Variants in LRRTM4 observed in about 807,000 individuals in gnomAD.
The protein encoded by LRRTM4 is leucine rich repeat transmembrane neuronal 4, also known as leucine-rich repeat transmembrane neuronal protein 4.
A neutral mutation model predicts 47.6 loss-of-function variants in LRRTM4; 25 were observed. The ratio of observed to expected loss-of-function variants is 0.53; its 90% CI spans 0.38 to 0.73. The LOEUF (loss-of-function observed/expected upper bound fraction) is 0.73. Among genes scored for constraint, LRRTM4 ranks in the 30% least tolerant of loss-of-function variants. The probability of loss-of-function intolerance (pLI) is 0.00; values close to 1 mark genes in which losing one functional copy is unlikely to be tolerated. For synonymous variants in LRRTM4, 311 were observed against 269.5 expected, an observed-to-expected ratio of 1.15 and a Z score of -1.51; for missense variants, 638 against 713.4, an observed-to-expected ratio of 0.89 and a Z score of 1.20.
chr2:77,139,084 A>G lies in LRRTM4; in HGVS notation c.1551+379234T>C, dbSNP rs1672037826. Among the ~76,000 whole-genome samples the G allele has an allele frequency of 2.0e-5, 3 of 152,308 alleles. No homozygotes were observed. The South Asian group carries it at 6.2e-4, about 32-fold the overall frequency. ...TACCATTTCTTCTGAAACTATTCCA[A>G]TCAATAGAAAAAGAAGGAATCCTCC... On this transcript the variant is annotated intron_variant, in intron 3 of 3. Transcript: ENST00000409884.
chr2:77,276,925 A>C (rs1474400499), intron 3 of LRRTM4, among the ~76,000 whole-genome samples: 6 of 151,480 alleles, frequency 4.0e-5, no homozygotes, highest in African/African-American at 9.7e-5. Context: ...CGAGGCCAGG[A>C]AAAGAGGGCA....
chr2:76,836,328 T>G (rs1347292847), intron 3 of LRRTM4, among the ~76,000 whole-genome samples: 1 of 152,064 alleles, frequency 6.6e-6, no homozygotes, highest in Non-Finnish European at 1.5e-5. Flanking sequence ...TTTTTAAGCT[T>G]GAGACAAGTT....
chr2:76,992,102 T>C (rs1212050696), intron 3 of LRRTM4, among the ~76,000 whole-genome samples: 1 of 151,634 alleles, frequency 6.6e-6, no homozygotes, highest in African/African-American at 2.4e-5. Context: ...ACGATAAAAA[T>C]TCTCAGCACA....
intron 3 of LRRTM4, among the ~76,000 whole-genome samples, chr2:77,129,746 G>C (rs912018778): frequency 6.6e-6 from 1 of 152,176 alleles, no homozygotes; most frequent in Non-Finnish European, 1.5e-5. Context: ...TTCAGACCCA[G>C]ATGGTGTGTT....
At chr2:76,866,184 C>T (rs1672460270) in intron 3 of LRRTM4, among the ~76,000 whole-genome samples, 1 of 152,152 alleles carries the variant, frequency 6.6e-6, no homozygotes, top group African/African-American at 2.4e-5. Context: ...CCAGATCCAT[C>T]CAAAATTAAA....
chr2:77,315,034 G>T (rs1223814830), intron 3 of LRRTM4, among the ~76,000 whole-genome samples: 1 of 152,170 alleles, frequency 6.6e-6, no homozygotes, highest in African/African-American at 2.4e-5. Context: ...AGTAGGTTAG[G>T]TGTACTAAAT....
intron 3 of LRRTM4, among the ~76,000 whole-genome samples, chr2:77,093,982 C>T (rs1351963019): frequency 6.8e-6 from 1 of 146,636 alleles, no homozygotes; most frequent in Non-Finnish European, 1.5e-5. Flanking sequence ...TACCCAAATC[C>T]TATAAAACTG....
intron 3 of LRRTM4, among the ~76,000 whole-genome samples, chr2:77,378,754 G>T (rs1232764756): frequency 6.6e-6 from 1 of 152,054 alleles, no homozygotes; most frequent in African/African-American, 2.4e-5. Context: ...AACAGGCAGG[G>T]CATTTAAAAT....
At chr2:77,289,439 A>G (rs1676759154) in intron 3 of LRRTM4, among the ~76,000 whole-genome samples, 1 of 152,076 alleles carries the variant, frequency 6.6e-6, no homozygotes, top group Non-Finnish European at 1.5e-5. Flanking sequence ...TATATGCTGT[A>G]CAATTACCAG....
chr2:77,064,059 T>C (rs879434285), intron 3 of LRRTM4, among the ~76,000 whole-genome samples: 1 of 152,230 alleles, frequency 6.6e-6, no homozygotes, highest in African/African-American at 2.4e-5. Flanking sequence ...GAAATTCTTA[T>C]AAGTTGTTCC....
chr2:77,300,512 A>T (rs1677106561), intron 3 of LRRTM4, among the ~76,000 whole-genome samples: 1 of 152,154 alleles, frequency 6.6e-6, no homozygotes, highest in South Asian at 2.1e-4. Flanking sequence ...TTTGTAATAT[A>T]GAGTTTATAA....
Position 77,501,706 on chromosome 2 carries a change from A to G in LRRTM4, c.1551+16612T>C, listed in dbSNP as rs190599486. On this transcript the variant is annotated intron_variant, in intron 3 of 3. Transcript: ENST00000409884. Reference sequence around the variant, plus strand: ...CTAAAATAATTAAAAGCTGAACGGCAAGCTCTGAACGATTTGCAATGTTTA... The same window carrying G: ...CTAAAATAATTAAAAGCTGAACGGCGAGCTCTGAACGATTTGCAATGTTTA... 2.3e-4 allele frequency among the ~76,000 whole-genome samples: 35 copies of G among 151,436 alleles called. No individual in the cohort carries two copies. The East Asian group carries it at 6.6e-3, about 28-fold the overall frequency.
intron 3 of LRRTM4, among the ~76,000 whole-genome samples, chr2:76,758,948 G>T (rs1355307330): frequency 6.6e-6 from 1 of 152,062 alleles, no homozygotes; most frequent in Admixed American, 6.6e-5. Flanking sequence ...ATAAATGAAT[G>T]AACATGACTG....
At chr2:77,273,350 A>G (rs1676257655) in intron 3 of LRRTM4, among the ~76,000 whole-genome samples, 1 of 152,192 alleles carries the variant, frequency 6.6e-6, no homozygotes, top group South Asian at 2.1e-4. Flanking sequence ...AAGCACTCTG[A>G]AGAAAACAAA....
intron 3 of LRRTM4, among the ~76,000 whole-genome samples, chr2:76,813,712 G>T (rs761273957): frequency 6.6e-6 from 1 of 152,104 alleles, no homozygotes; most frequent in East Asian, 1.9e-4. Flanking sequence ...TATCTCTGCA[G>T]AGGTGGGATG....
intron 3 of LRRTM4, among the ~76,000 whole-genome samples, chr2:77,279,445 T>C (rs1676449199): frequency 6.6e-6 from 1 of 151,974 alleles, no homozygotes; most frequent in South Asian, 2.1e-4. Context: ...CCTATGCATA[T>C]GTTCCAGTTG....
intron 3 of LRRTM4, among the ~76,000 whole-genome samples, chr2:77,408,800 C>G (rs898128347): frequency 6.6e-6 from 1 of 152,126 alleles, no homozygotes; most frequent in Admixed American, 6.6e-5. Flanking sequence ...TGTATTCAAT[C>G]CCCCGGTGTC....
At chr2:77,045,481 G>T (rs965825023) in intron 3 of LRRTM4, among the ~76,000 whole-genome samples, 2 of 151,846 alleles carry the variant, frequency 1.3e-5, no homozygotes, top group Non-Finnish European at 2.9e-5. Flanking sequence ...CTTTAATTCG[G>T]TTAGGCTGTG....
At chr2:76,955,176 T>A (rs1330720121) in intron 3 of LRRTM4, among the ~76,000 whole-genome samples, 1 of 151,780 alleles carries the variant, frequency 6.6e-6, no homozygotes, top group Admixed American at 6.6e-5. Flanking sequence ...TATAGATAAA[T>A]AAAAATATGG....
Sources: allele counts gnomAD v4.1 joint callset (sites outside exome capture counted in the v4.1 genomes callset), GRCh38; gene constraint gnomAD v4.1.1; transcripts MANE v1.5; gene names NCBI Gene and HGNC (gene_info 2026-07-23, HGNC 2026-07-21).